ELP2: variants seen among roughly 807,000 people sequenced by gnomAD.
The protein encoded by ELP2 is elongator acetyltransferase complex subunit 2.
In ELP2, 90 loss-of-function variants were observed where a neutral mutation model predicts 119.2. The observed-to-expected ratio is 0.75, with a 90% confidence interval of 0.64 to 0.90. ELP2 has a LOEUF of 0.90. Among genes scored for constraint, ELP2 ranks in the 40% least tolerant of loss-of-function variants. The pLI, the probability that ELP2 is intolerant of heterozygous loss-of-function variation, is 0.00. For missense variants in ELP2, 921 were observed against 967.8 expected (o/e 0.95, Z 0.64); for synonymous variants, 339 against 331.0 (o/e 1.02, Z -0.26).
At chr18:36,161,082 T>C (rs771336375) in intron 17 of ELP2, 78 bp downstream of exon 17, 38 of 1,016,350 alleles carry the variant, frequency 3.7e-5, no homozygotes, top group Non-Finnish European at 5.2e-5. Flanking sequence ...GGTAATGATT[T>C]AGGCAGAACT....
chr18:36,169,948 A>G (rs1254219043), intron 19 of ELP2, 115 bp from the exon 20 acceptor site: 1 of 1,397,454 alleles, frequency 7.2e-7, no homozygotes, highest in South Asian at 1.2e-5. Flanking sequence ...GTAATGATGC[A>G]TTTTTTAAAA....
At position 36,150,403 on chromosome 18, in the gene ELP2, A is replaced by T. The variant is rs566434816; in HGVS notation, c.1125+4022A>T. Among the ~76,000 whole-genome samples the T allele has an allele frequency of 2.6e-5, 4 of 152,270 alleles. No individual in the cohort carries two copies. In the South Asian group the frequency reaches 8.3e-4, roughly 32 times the overall value. On this transcript the variant is annotated intron_variant, in intron 11 of 21. Transcript: ENST00000358232. ...ATAAAGCATTTCCGTTTTATTATGG[A>T]ACTCTTCCGGACACTGCCATCCCCA... is the stretch of plus-strand genomic sequence containing the variant.
chr18:36,136,668 TTTTA>T, intron 3 of ELP2: 1 of 338,570 alleles, frequency 3.0e-6, no homozygotes, highest in Non-Finnish European at 5.5e-6. Flanking sequence ...TATGTTGTTC[TTTTA>T]TGAAGTTAAT....
intron 11 of ELP2, among the ~76,000 whole-genome samples, chr18:36,148,099 T>TG (rs200318758): frequency 2.0e-3 from 95 of 47,848 alleles, no homozygotes; most frequent in Non-Finnish European, 4.6e-3. Flanking sequence ...CAGGTTTTTG[T>TG]TTTTTTTTTT....
chr18:36,141,836 G>T (rs776351742), intron 6 of ELP2, among the ~76,000 whole-genome samples: 3 of 151,790 alleles, frequency 2.0e-5, no homozygotes, highest in South Asian at 2.1e-4. Context: ...GACCACAGGC[G>T]TGTATCACCA....
chr18:36,130,925 T>G (rs904508170), intron 1 of ELP2, among the ~76,000 whole-genome samples: 1 of 152,128 alleles, frequency 6.6e-6, no homozygotes, highest in Non-Finnish European at 1.5e-5. Context: ...CCCGGCACTT[T>G]GGGAGGCAGA....
At chr18:36,156,380 G>T (rs1380020437) in intron 12 of ELP2, 86 bp from the exon 13 acceptor site, 7 of 1,266,456 alleles carry the variant, frequency 5.5e-6, no homozygotes, top group Non-Finnish European at 8.0e-6. Context: ...TATTTCCATT[G>T]TATAGTAAAT....
intron 20 of ELP2, among the ~76,000 whole-genome samples, chr18:36,170,447 G>T (rs904266679): frequency 6.6e-6 from 1 of 152,030 alleles, no homozygotes; most frequent in African/African-American, 2.4e-5. Flanking sequence ...AAGTAGGTGG[G>T]ATTACAGGCA....
intron 2 of ELP2, among the ~76,000 whole-genome samples, chr18:36,136,054 T>A (rs1180199606): frequency 6.6e-6 from 1 of 152,172 alleles, no homozygotes; most frequent in Non-Finnish European, 1.5e-5. Context: ...TTTTTGTCCT[T>A]AGGAGATATA....
At chr18:36,147,324 G>A (rs1252128802) in intron 11 of ELP2, among the ~76,000 whole-genome samples, 1 of 151,882 alleles carries the variant, frequency 6.6e-6, no homozygotes, top group African/African-American at 2.4e-5. Context: ...TGATCCTCCC[G>A]CCTCAGTCTC....
In ELP2 at chr18:36,133,201, A is replaced by G. The variant is rs548070178; in HGVS notation, c.139-37A>G. 2.2e-6 allele frequency: 3 copies of G among 1,382,146 alleles called. No individual in the cohort carries two copies. In the South Asian group the frequency reaches 3.5e-5, roughly 16 times the overall value. 85.6% of individuals were successfully genotyped at this position (1,382,146 alleles called of 1,614,324 possible). ...TTATTTATTAATTTTTCTGTAGGATAAATTCCAGTTTACTAACTGTATTTT... is the reference window on the plus strand; with the variant it reads ...TTATTTATTAATTTTTCTGTAGGATGAATTCCAGTTTACTAACTGTATTTT... On this transcript the variant is annotated intron_variant, in intron 1 of 21. Transcript: ENST00000358232.
intron 5 of ELP2, chr18:36,139,370 T>C (rs2089941659): frequency 6.8e-7 from 1 of 1,481,198 alleles, no homozygotes; most frequent in Non-Finnish European, 9.1e-7. Context: ...GAGTATCTTC[T>C]ACAAAGATAA....
chr18:36,151,166 T>G (rs922301043), intron 11 of ELP2, among the ~76,000 whole-genome samples: 1 of 151,164 alleles, frequency 6.6e-6, no homozygotes, highest in Non-Finnish European at 1.5e-5. Flanking sequence ...CTGACTGCAG[T>G]CTTGACCTCC....
intron 11 of ELP2, among the ~76,000 whole-genome samples, chr18:36,151,971 C>G (rs1006667354): frequency 1.1e-4 from 16 of 150,374 alleles, no homozygotes; most frequent in African/African-American, 3.7e-4. Context: ...CCAGGCTGGT[C>G]AACTCCTGAC....
intron 11 of ELP2, among the ~76,000 whole-genome samples, chr18:36,151,309 C>T (rs2090392245): frequency 6.6e-6 from 1 of 151,856 alleles, no homozygotes; most frequent in South Asian, 2.1e-4. Flanking sequence ...TCTCAGACTC[C>T]TGGGCTCAAG....
At chr18:36,152,096 G>A (rs1424195385) in intron 11 of ELP2, among the ~76,000 whole-genome samples, 1 of 151,408 alleles carries the variant, frequency 6.6e-6, no homozygotes, top group Admixed American at 6.6e-5. Flanking sequence ...CAGAGGCTGA[G>A]GTGGGAAGAT....
At chr18:36,171,417 A>G (rs1303677075) in intron 21 of ELP2, among the ~76,000 whole-genome samples, 1 of 152,254 alleles carries the variant, frequency 6.6e-6, no homozygotes, top group Non-Finnish European at 1.5e-5. Context: ...TTGAGATGAA[A>G]GTGATTTCCA....
intron 17 of ELP2, 53 bp downstream of exon 17, chr18:36,161,057 G>A (rs2090724460): frequency 1.5e-6 from 2 of 1,333,810 alleles, no homozygotes; most frequent in African/African-American, 2.9e-5. Flanking sequence ...TGGGTCATCA[G>A]GCTCCTGCAA....
At chr18:36,146,870 G>A (rs1326255311) in intron 11 of ELP2, among the ~76,000 whole-genome samples, 2 of 152,102 alleles carry the variant, frequency 1.3e-5, no homozygotes, top group Non-Finnish European at 2.9e-5. Flanking sequence ...CTTTAGTCAT[G>A]TAACTGTCTC....
Sources: allele counts gnomAD v4.1 joint callset (sites outside exome capture counted in the v4.1 genomes callset), GRCh38; gene constraint gnomAD v4.1.1; transcripts MANE v1.5; gene names NCBI Gene and HGNC (gene_info 2026-07-23, HGNC 2026-07-21).